Variants in CALCR observed in about 807,000 individuals in gnomAD.
CALCR encodes calcitonin receptor.
A neutral mutation model predicts 59.5 loss-of-function variants in CALCR; 47 were observed. The ratio of observed to expected loss-of-function variants is 0.79; its 90% CI spans 0.63 to 1.01. The LOEUF (loss-of-function observed/expected upper bound fraction) is 1.01, where lower values mean the gene tolerates loss of function less well. Among genes scored for constraint, CALCR ranks in the 50% least tolerant of loss-of-function variants. The probability of loss-of-function intolerance (pLI) is 0.00; values close to 1 mark genes in which losing one functional copy is unlikely to be tolerated. For missense variants in CALCR, 566 were observed against 597.1 expected, an observed-to-expected ratio of 0.95 and a Z score of 0.54; for synonymous variants, 213 against 211.3, an observed-to-expected ratio of 1.01 and a Z score of -0.07.
Position 93,460,573 on chromosome 7 carries a change from AT to A in CALCR, c.648+247del, listed in dbSNP as rs1159349985. On this transcript the variant is annotated intron_variant, in intron 8 of 13. Transcript: ENST00000426151. ...TCTATCTAAAAAAAAAAAAAAAAAA[AT>A]ATATATATATATATATATGTATATA... 8.3e-3 allele frequency among the ~76,000 whole-genome samples: 647 copies of A among 77,960 alleles called. 2 individuals carry two copies. The highest frequency in any genetic ancestry group is 0.01 in the Non-Finnish European group (452 of 43,644). The allele number at this position is 77,960 out of a possible 152,430, so 51.1% of individuals were successfully genotyped here.
intron 3 of CALCR, among the ~76,000 whole-genome samples, chr7:93,481,824 CTG>C (rs948781255): frequency 5.3e-5 from 8 of 151,856 alleles, no homozygotes; most frequent in African/African-American, 1.9e-4. Context: ...ATGATTATAA[CTG>C]TGCAAATCCT....
intron 2 of CALCR, among the ~76,000 whole-genome samples, chr7:93,516,351 A>G (rs936537591): frequency 6.6e-6 from 1 of 151,968 alleles, no homozygotes; most frequent in African/African-American, 2.4e-5. Flanking sequence ...ACATTGATTC[A>G]TGAATTCACT....
chr7:93,507,065 C>T (rs1801440336), intron 2 of CALCR, among the ~76,000 whole-genome samples: 3 of 152,222 alleles, frequency 2.0e-5, no homozygotes, highest in South Asian at 2.1e-4. Flanking sequence ...GCATCTTTTT[C>T]TTTATAAATT....
At chr7:93,511,922 G>A (rs1462661276) in intron 2 of CALCR, among the ~76,000 whole-genome samples, 3 of 152,130 alleles carry the variant, frequency 2.0e-5, no homozygotes, top group Admixed American at 6.6e-5. Flanking sequence ...GTAGGCATGC[G>A]CTATGGGCAT....
intron 2 of CALCR, among the ~76,000 whole-genome samples, chr7:93,513,829 A>C (rs1801598698): frequency 6.6e-6 from 1 of 151,520 alleles, no homozygotes; most frequent in Non-Finnish European, 1.5e-5. Context: ...GTTTTTATTT[A>C]CAAATAAACA....
chr7:93,504,263 A>G (rs1801381075), intron 2 of CALCR, among the ~76,000 whole-genome samples: 1 of 152,192 alleles, frequency 6.6e-6, no homozygotes, highest in Admixed American at 6.5e-5. Flanking sequence ...AAAAAAACCA[A>G]CAAATTCTAT....
intron 5 of CALCR, among the ~76,000 whole-genome samples, chr7:93,474,355 T>C (rs997684528): frequency 1.3e-5 from 2 of 151,620 alleles, no homozygotes; most frequent in Non-Finnish European, 3.0e-5. Context: ...GGCTGGATTG[T>C]CTAAAAAAAA....
chr7:93,537,841 A>T lies in CALCR; in HGVS notation c.-27+36448T>A, dbSNP rs1248353084. Reference sequence around the variant, plus strand: ...GATATGTTTGTATTTTCCTGACCAAATCAATGAAATTGACTAGTTTATATG... The same window carrying T: ...GATATGTTTGTATTTTCCTGACCAATTCAATGAAATTGACTAGTTTATATG... On this transcript the variant is annotated intron_variant, in intron 2 of 13. Coordinates refer to ENST00000426151, the MANE Select transcript of CALCR (RefSeq NM_001742.4). Among the ~76,000 whole-genome samples, 50 of 151,920 alleles carry T rather than the reference A, an allele frequency of 3.3e-4. 1 individual carries two copies. The highest frequency in any genetic ancestry group is 3.3e-3 in the Admixed American group (50 of 15,220).
chr7:93,430,847 GT>G (rs1178838431), intron 13 of CALCR, among the ~76,000 whole-genome samples: 1 of 152,172 alleles, frequency 6.6e-6, no homozygotes, highest in Non-Finnish European at 1.5e-5. Flanking sequence ...GTACACTCAA[GT>G]TTGAGAATAC....
chr7:93,494,193 T>C (rs1464036245), intron 2 of CALCR, among the ~76,000 whole-genome samples: 1 of 151,438 alleles, frequency 6.6e-6, no homozygotes, highest in Non-Finnish European at 1.5e-5. Flanking sequence ...TATGTGGTGA[T>C]TGGATGGTTA....
chr7:93,460,727 C>T (rs1206914604), intron 8 of CALCR, 94 bp downstream of exon 8: 3 of 892,010 alleles, frequency 3.4e-6, no homozygotes, highest in Non-Finnish European at 4.9e-6. Flanking sequence ...CACATGTAAA[C>T]AGCTGCTTAA....
intron 2 of CALCR, among the ~76,000 whole-genome samples, chr7:93,571,090 A>T (rs975389199): frequency 2.0e-5 from 3 of 152,184 alleles, no homozygotes; most frequent in Non-Finnish European, 4.4e-5. Context: ...CTGTGTTTTG[A>T]TACTAGAATT....
Position 93,488,578 on chromosome 7 carries a change from G to GAAAGCA in CALCR, c.-26-1572_-26-1571insTGCTTT, listed in dbSNP as rs1554401495. ...TGGAGGAAAATTTACCAAGCAAATG[G>GAAAGCA]AAAGAAAAAAAAAAAAAAAAAAAGC... On this transcript the variant is annotated intron_variant, in intron 2 of 13. Transcript: ENST00000426151. Among the ~76,000 whole-genome samples the GAAAGCA allele has an allele frequency of 7.5e-4, 10 of 13,366 alleles. 2 individuals carry two copies. Among genetic ancestry groups the GAAAGCA allele is most frequent in the African/African-American group, 2.9e-3 (9 of 3,100 alleles). 8.8% of individuals were successfully genotyped at this position (13,366 alleles called of 152,430 possible).
chr7:93,435,440 C>G (rs144776159), intron 12 of CALCR, among the ~76,000 whole-genome samples: 3 of 152,152 alleles, frequency 2.0e-5, no homozygotes, highest in Non-Finnish European at 4.4e-5. Flanking sequence ...GAAACAGCAA[C>G]AAAGAGCCTC....
chr7:93,567,863 A>G (rs926272602), intron 2 of CALCR, among the ~76,000 whole-genome samples: 4 of 152,170 alleles, frequency 2.6e-5, no homozygotes, highest in Admixed American at 6.5e-5. Flanking sequence ...TGCAAAGGAC[A>G]TGAACTCATC....
At chr7:93,449,935 A>T (rs1022147100) in intron 8 of CALCR, among the ~76,000 whole-genome samples, 3 of 151,996 alleles carry the variant, frequency 2.0e-5, no homozygotes, top group Non-Finnish European at 4.4e-5. Context: ...TATCCCCTGC[A>T]GTCTTGGTCA....
chr7:93,477,435 C>T (rs1049948900), intron 5 of CALCR, 123 bp downstream of exon 5: 4 of 598,712 alleles, frequency 6.7e-6, no homozygotes, highest in Middle Eastern at 2.8e-4. Context: ...GGAAACACTT[C>T]AGAAGTTGCT....
chr7:93,510,145 C>CA (rs904984759), intron 2 of CALCR, among the ~76,000 whole-genome samples: 1 of 152,042 alleles, frequency 6.6e-6, no homozygotes. Flanking sequence ...AAGCAGAACT[C>CA]AGAGTAGAGT....
At chr7:93,552,716 A>T (rs568821333) in intron 2 of CALCR, among the ~76,000 whole-genome samples, 1 of 152,334 alleles carries the variant, frequency 6.6e-6, no homozygotes, top group Admixed American at 6.5e-5. Context: ...CATTATCTCC[A>T]AACATGAATA....
Sources: gnomAD v4.1 joint callset for allele counts (sites outside exome capture counted in the v4.1 genomes callset) on GRCh38, gnomAD v4.1.1 for gene constraint, MANE v1.5 for transcripts, NCBI Gene and HGNC (gene_info 2026-07-23, HGNC 2026-07-21) for gene names.